The following TTC39C variants were observed in gnomAD, a reference collection of about 807,000 sequenced individuals.
The protein encoded by TTC39C is tetratricopeptide repeat domain 39C.
In TTC39C, 33 loss-of-function variants were observed where a neutral mutation model predicts 76.3. That is an observed-to-expected ratio of 0.43 (90% CI 0.33 to 0.58). TTC39C has a LOEUF of 0.58. Ranked by LOEUF, TTC39C falls within the 20% of genes least tolerant of loss-of-function variation. TTC39C has a pLI of 0.04. For synonymous variants in TTC39C, 254 were observed against 260.6 expected (o/e 0.97, Z 0.24); for missense variants, 595 against 701.4 (o/e 0.85, Z 1.71).
chr18:24,117,761 G>A (rs1228946915), intron 7 of TTC39C, among the ~76,000 whole-genome samples: 4 of 152,000 alleles, frequency 2.6e-5, no homozygotes, highest in Non-Finnish European at 5.9e-5. Context: ...ATAATCGAGT[G>A]GTGTTGCTTC....
chr18:24,079,339 T>A (rs2084347336), intron 4 of TTC39C, among the ~76,000 whole-genome samples: 1 of 152,120 alleles, frequency 6.6e-6, no homozygotes, highest in Admixed American at 6.5e-5. Context: ...GGAGGAGTGG[T>A]CAACAGTAGG....
At chr18:24,131,812 C>T in intron 12 of TTC39C, 70 bp from the exon 13 acceptor site, 1 of 1,322,780 alleles carries the variant, frequency 7.6e-7, no homozygotes, top group Non-Finnish European at 1.1e-6. Context: ...AACATAGCCT[C>T]CTATTATACC....
In TTC39C at chr18:24,045,895, A is replaced by ATATATATATATATGTATATGTATATG. The variant is rs1555769926; in HGVS notation, c.168-18232_168-18231insGTATATGTATATGTATATATATATAT. On this transcript the variant is annotated intron_variant, in intron 1 of 13. Transcript: ENST00000317571. ...TTAGGGTACTTCCTTCTGTGAAAAT[A>ATATATATATATATGTATATGTATATG]TATATATATATATATATATATATAT... is the stretch of plus-strand genomic sequence containing the variant. 2.7e-3 allele frequency among the ~76,000 whole-genome samples: 116 copies of ATATATATATATATGTATATGTATATG among 42,344 alleles called. 1 individual carries two copies. Among genetic ancestry groups the ATATATATATATATGTATATGTATATG allele is most frequent in the Non-Finnish European group, 2.9e-3 (74 of 25,324 alleles). The allele number at this position is 42,344 out of a possible 152,430, so 27.8% of individuals were successfully genotyped here.
At chr18:24,003,083 C>G (rs774937581) in intron 1 of TTC39C, among the ~76,000 whole-genome samples, 14 of 152,204 alleles carry the variant, frequency 9.2e-5, no homozygotes, top group Non-Finnish European at 1.6e-4. Flanking sequence ...GCCCTTGTGC[C>G]TGAGGGCTGA....
chr18:24,074,847 C>T (rs982301636), intron 4 of TTC39C, among the ~76,000 whole-genome samples: 1 of 152,156 alleles, frequency 6.6e-6, no homozygotes, highest in African/African-American at 2.4e-5. Flanking sequence ...AAGACACATG[C>T]ACATGTATGT....
intron 1 of TTC39C, among the ~76,000 whole-genome samples, chr18:24,048,665 T>C (rs1211677316): frequency 1.3e-5 from 2 of 152,166 alleles, no homozygotes; most frequent in African/African-American, 4.8e-5. Context: ...TTTGAGAAAA[T>C]ATTGCTTTCT....
intron 6 of TTC39C, among the ~76,000 whole-genome samples, chr18:24,104,746 T>C (rs1322746692): frequency 6.9e-6 from 1 of 144,352 alleles, no homozygotes; most frequent in Non-Finnish European, 1.5e-5. Context: ...GTGTGTGTGA[T>C]GAATGAATAC....
chr18:24,099,138 G>GTA (rs1194022696), intron 6 of TTC39C: 1 of 148,816 alleles, frequency 6.7e-6, no homozygotes, highest in African/African-American at 2.5e-5. Flanking sequence ...GTGTGTGTGT[G>GTA]TGTGTATGTG....
chr18:24,097,178 A>G (rs1264821880), intron 6 of TTC39C, among the ~76,000 whole-genome samples: 5 of 152,172 alleles, frequency 3.3e-5, no homozygotes, highest in Non-Finnish European at 7.4e-5. Context: ...TCTTAAAACA[A>G]TCTCATAAGT....
chr18:24,090,345 A>C (rs1322839801), intron 6 of TTC39C, among the ~76,000 whole-genome samples: 1 of 152,240 alleles, frequency 6.6e-6, no homozygotes, highest in Admixed American at 6.5e-5. Flanking sequence ...AGGGGGCCAG[A>C]ATATAATTAT....
At chr18:24,035,436 C>T (rs1173867311) in intron 1 of TTC39C, among the ~76,000 whole-genome samples, 2 of 152,244 alleles carry the variant, frequency 1.3e-5, no homozygotes, top group Non-Finnish European at 2.9e-5. Context: ...AGTTTTTCCA[C>T]ATCCTTGCCA....
chr18:24,083,026 C>T lies in TTC39C; in HGVS notation c.929C>T (p.Ala310Val). Residue 310 changes from alanine (A) to valine (V), a missense_variant, in exon 6 of 14, where the codon GCT (alanine) becomes GTT (valine). Ala to Val is a moderately conservative substitution (Grantham distance 64). Coordinates refer to ENST00000317571, the MANE Select transcript of TTC39C (RefSeq NM_001135993.2). ...GAAATTCTCCTTAAAAAAGAAGCTG[C>T]TTATCCAAATTCTTCCCTCTTTATG... is the stretch of plus-strand genomic sequence containing the variant. ...AKEILLKKEA[A>V]YPNSSLFMFF... 6.2e-7 allele frequency: 1 copy of T among 1,614,116 alleles called. No homozygotes were observed. The highest frequency in any genetic ancestry group is 1.1e-5 in the South Asian group (1 of 91,080).
chr18:24,031,899 A>G (rs2083675740), intron 1 of TTC39C, among the ~76,000 whole-genome samples: 1 of 152,192 alleles, frequency 6.6e-6, no homozygotes, highest in East Asian at 1.9e-4. Flanking sequence ...GGATCTTGAG[A>G]TGGGGGATTA....
intron 1 of TTC39C, among the ~76,000 whole-genome samples, chr18:24,009,011 G>C (rs1014513136): frequency 8.5e-5 from 13 of 152,152 alleles, no homozygotes; most frequent in African/African-American, 3.1e-4. Flanking sequence ...AGAACATATG[G>C]ACACAAAGAG....
At position 24,133,721 on chromosome 18, in the gene TTC39C, C is replaced by G. The variant is rs568700111; in HGVS notation, c.*1147C>G. On this transcript the variant is annotated 3_prime_UTR_variant, in exon 14 of 14. Coordinates refer to ENST00000317571, the MANE Select transcript of TTC39C (RefSeq NM_001135993.2). ...CTAATTTTTGTCATTTAATTTACCTCCATGCCCGGTACTGCAAACCTGTGG... is the reference window on the plus strand; with the variant it reads ...CTAATTTTTGTCATTTAATTTACCTGCATGCCCGGTACTGCAAACCTGTGG... 8 of 152,128 alleles carry G rather than the reference C, an allele frequency of 5.3e-5. No homozygotes were observed. Among genetic ancestry groups the G allele is most frequent in the Admixed American group, 2.0e-4 (3 of 15,274 alleles). The allele number at this position is 152,128 out of a possible 1,614,324, so 9.4% of individuals were successfully genotyped here. A position where few individuals can be genotyped will look rare whatever the true frequency, so the allele number is the denominator to read the frequency against.
intron 9 of TTC39C, among the ~76,000 whole-genome samples, chr18:24,125,120 G>C (rs1435055531): frequency 6.6e-6 from 1 of 152,178 alleles, no homozygotes; most frequent in Non-Finnish European, 1.5e-5. Context: ...TCAAACTCCT[G>C]ACCTCAGGTG....
Position 24,117,849 on chromosome 18 carries a change from G to A in TTC39C, c.1079-276G>A, listed in dbSNP as rs767329427. On this transcript the variant is annotated intron_variant, in intron 7 of 13. Transcript: ENST00000317571. ...GGGTTAGCCTCACGACTGTTAGGAC[G>A]TAAATTGGAGTGTCTTTCTAGAAAT... is the stretch of plus-strand genomic sequence containing the variant. 3.3e-5 allele frequency among the ~76,000 whole-genome samples: 5 copies of A among 152,264 alleles called. No homozygotes were observed. In the South Asian group the frequency reaches 8.3e-4, roughly 25 times the overall value.
chr18:24,020,738 C>T (rs9952930), intron 1 of TTC39C, among the ~76,000 whole-genome samples: 5,707 of 152,234 alleles, frequency 0.037, 270 homozygotes, highest in African/African-American at 0.11. Context: ...AGTACTAATG[C>T]AACCTTTTTT....
At chr18:24,000,088 C>T (rs1457485518) in intron 1 of TTC39C, among the ~76,000 whole-genome samples, 1 of 152,166 alleles carries the variant, frequency 6.6e-6, no homozygotes, top group Non-Finnish European at 1.5e-5. Flanking sequence ...CCTAACATCA[C>T]CACCTCCCAG....
Sources: gnomAD v4.1 joint callset for allele counts (sites outside exome capture counted in the v4.1 genomes callset) on GRCh38, gnomAD v4.1.1 for gene constraint, MANE v1.5 for transcripts, NCBI Gene and HGNC (gene_info 2026-07-23, HGNC 2026-07-21) for gene names.